PRKAR1B: variants seen among roughly 807,000 people sequenced by gnomAD.
PRKAR1B encodes cAMP-dependent protein kinase type I-beta regulatory subunit.
In PRKAR1B, 22 loss-of-function variants were observed where a neutral mutation model predicts 46.5. The observed-to-expected ratio is 0.47, with a 90% CI of 0.34 to 0.68. The LOEUF (loss-of-function observed/expected upper bound fraction) is 0.68. PRKAR1B is among the 30% of genes least tolerant of loss of function. PRKAR1B has a pLI of 0.01. For missense variants in PRKAR1B, 445 were observed against 535.6 expected (o/e 0.83, Z 1.67); for synonymous variants, 259 against 217.7 (o/e 1.19, Z -1.67).
At chr7:579,515 T>A (rs994960063) in intron 8 of PRKAR1B, 138 bp from the exon 9 acceptor site, 50 of 1,155,720 alleles carry the variant, frequency 4.3e-5, no homozygotes, top group Non-Finnish European at 5.5e-5. Context: ...GTAAGCTGCA[T>A]AAGATGAGGC....
intron 4 of PRKAR1B, among the ~76,000 whole-genome samples, chr7:631,961 A>G (rs1783772341): frequency 6.6e-6 from 1 of 151,606 alleles, no homozygotes; most frequent in African/African-American, 2.4e-5. Flanking sequence ...TGTCTCAAAA[A>G]AAAAAGCAGC....
intron 2 of PRKAR1B, among the ~76,000 whole-genome samples, chr7:684,123 CGT>C (rs762088100): frequency 3.3e-4 from 49 of 150,768 alleles, no homozygotes; most frequent in Non-Finnish European, 4.6e-4. Flanking sequence ...CCCACCTCTA[CGT>C]GTGTGCTGAT....
rs1781353710 is a variant in PRKAR1B at position 727,195 on chromosome 7, G to A, written c.-23+15C>T. 2.2e-6 allele frequency: 3 copies of A among 1,346,392 alleles called. No homozygotes were observed. The highest frequency in any genetic ancestry group is 1.7e-5 in the South Asian group (1 of 59,838). The allele number at this position is 1,346,392 out of a possible 1,614,324, so 83.4% of individuals were successfully genotyped here. A position where few individuals can be genotyped will look rare whatever the true frequency, so the allele number is the denominator to read the frequency against. On this transcript the variant is annotated intron_variant, in intron 1 of 10. Transcript: ENST00000537384. ...CCTGGCCGTGGACCTGTGCGGCGCCGCGCTCGCGCCCCACCTGGACGACGC... is the reference window on the plus strand; with the variant it reads ...CCTGGCCGTGGACCTGTGCGGCGCCACGCTCGCGCCCCACCTGGACGACGC...
intron 6 of PRKAR1B, among the ~76,000 whole-genome samples, chr7:597,564 C>A (rs539332285): frequency 3.9e-5 from 6 of 152,208 alleles, no homozygotes; most frequent in African/African-American, 1.4e-4. Context: ...CGTCCTTCCA[C>A]GGAGCCAGAG....
chr7:671,092 C>T (rs1016696331), intron 4 of PRKAR1B, among the ~76,000 whole-genome samples: 1 of 152,190 alleles, frequency 6.6e-6, no homozygotes, highest in Admixed American at 6.5e-5. Context: ...AGCGACCGTC[C>T]ACCTCCTTCT....
intron 4 of PRKAR1B, among the ~76,000 whole-genome samples, chr7:613,948 G>T (rs138685906): frequency 2.6e-5 from 4 of 152,216 alleles, no homozygotes; most frequent in Admixed American, 2.6e-4. Context: ...TCCCCGCAGG[G>T]GCAAGCAGGG....
At chr7:609,014 GGGCCGGGGGGCC>G (rs1782308977) in intron 4 of PRKAR1B, among the ~76,000 whole-genome samples, 2 of 129,928 alleles carry the variant, frequency 1.5e-5, no homozygotes, top group Non-Finnish European at 3.4e-5. Context: ...GCTGTAGGGA[GGGCCGGGGGGCC>G]TCCACTGTCC....
At chr7:677,437 C>T in intron 3 of PRKAR1B, 117 bp from the exon 4 acceptor site, 2 of 843,222 alleles carry the variant, frequency 2.4e-6, no homozygotes, top group Non-Finnish European at 2.0e-6. Flanking sequence ...TACAAATATG[C>T]AATTTGAAGT....
At chr7:638,761 T>TA (rs1338818358) in intron 4 of PRKAR1B, among the ~76,000 whole-genome samples, 1 of 152,186 alleles carries the variant, frequency 6.6e-6, no homozygotes, top group African/African-American at 2.4e-5. Flanking sequence ...CACACACTCT[T>TA]ACAACTGCTA....
intron 9 of PRKAR1B, among the ~76,000 whole-genome samples, chr7:578,222 G>C (rs1002956771): frequency 6.6e-6 from 1 of 152,070 alleles, no homozygotes; most frequent in African/African-American, 2.4e-5. Flanking sequence ...TCCCTCGCCG[G>C]CACCCGGAAT....
intron 8 of PRKAR1B, among the ~76,000 whole-genome samples, chr7:581,640 A>C (rs1780192731): frequency 6.6e-6 from 1 of 152,236 alleles, no homozygotes; most frequent in Non-Finnish European, 1.5e-5. Context: ...AGTTCTAAAA[A>C]CAAAAATTAT....
rs941403157 is a variant in PRKAR1B, at chr7:560,812, C to A, written c.892-9342G>T. On this transcript the variant is annotated intron_variant, in intron 9 of 10. Transcript: ENST00000537384. This position sits in a 1 kb window ranked among gnomAD's most constrained non-coding sequence, Gnocchi z 4.2. ...TCAAACGGGACAGTCATCATGAGGG[C>A]GGCGGCCATGAGTGAACGTAAGAGT... is the stretch of plus-strand genomic sequence containing the variant. 8.5e-5 allele frequency among the ~76,000 whole-genome samples: 13 copies of A among 152,194 alleles called. No individual in the cohort carries two copies. The highest frequency in any genetic ancestry group is 3.1e-4 in the African/African-American group (13 of 41,442).
At chr7:709,887 C>A (rs904172739) in intron 2 of PRKAR1B, among the ~76,000 whole-genome samples, 1 of 152,158 alleles carries the variant, frequency 6.6e-6, no homozygotes, top group Admixed American at 6.6e-5. Flanking sequence ...AAGTGATCTT[C>A]CCACCTCGAC....
Position 667,920 on chromosome 7 carries a change from C to T in PRKAR1B, c.440+9309G>A, listed in dbSNP as rs1786023223. On this transcript the variant is annotated intron_variant, in intron 4 of 10. Coordinates refer to ENST00000537384, the MANE Select transcript of PRKAR1B (RefSeq NM_001164760.2). The surrounding 1 kb of genome is among the most constrained non-coding windows in gnomAD (Gnocchi z 4.3). Reference sequence around the variant, plus strand: ...GGAGTTGCAGCCTCCCTCACAACCACGTTGCACTATCTTCCTTTAAATCAA... The same window carrying T: ...GGAGTTGCAGCCTCCCTCACAACCATGTTGCACTATCTTCCTTTAAATCAA... Among the ~76,000 whole-genome samples the T allele has an allele frequency of 6.6e-6, 1 of 152,222 alleles. No homozygotes were observed. Among genetic ancestry groups the T allele is most frequent in the South Asian group, 2.1e-4 (1 of 4,828 alleles).
At chr7:717,311 G>A (rs967146516) in intron 1 of PRKAR1B, among the ~76,000 whole-genome samples, 1 of 149,938 alleles carries the variant, frequency 6.7e-6, no homozygotes, top group Non-Finnish European at 1.5e-5. Flanking sequence ...GAAAGAAAGA[G>A]AGAGAGACAG....
intron 8 of PRKAR1B, among the ~76,000 whole-genome samples, chr7:584,003 G>C (rs550947644): frequency 6.6e-6 from 1 of 152,330 alleles, no homozygotes; most frequent in East Asian, 1.9e-4. Flanking sequence ...GGGCACACCT[G>C]AAACCCCAGC....
rs1290425068 is a variant in PRKAR1B at position 568,465 on chromosome 7, T to C, written c.891+10791A>G. Among the ~76,000 whole-genome samples the C allele has an allele frequency of 2.6e-5, 4 of 152,286 alleles. No homozygotes were observed. The East Asian group carries it at 7.7e-4, about 29-fold the overall frequency. On this transcript the variant is annotated intron_variant, in intron 9 of 10. Coordinates refer to ENST00000537384, the MANE Select transcript of PRKAR1B (RefSeq NM_001164760.2). ...GAGGACAACTTCCTCCCAGAGACCATTGTTCACCACCTGGAGCTGGCCCGC... is the reference window on the plus strand; with the variant it reads ...GAGGACAACTTCCTCCCAGAGACCACTGTTCACCACCTGGAGCTGGCCCGC...
chr7:596,095 G>A lies in PRKAR1B; in HGVS notation c.708+51C>T, dbSNP rs372522025. Reference sequence around the variant, plus strand: ...GAATAGAGCTAGGGTTCCCAGGGACGCCTGGCCAAGGGTGGGTGTTGGCCT... The same window carrying A: ...GAATAGAGCTAGGGTTCCCAGGGACACCTGGCCAAGGGTGGGTGTTGGCCT... On this transcript the variant is annotated intron_variant, in intron 7 of 10. Coordinates refer to ENST00000537384, the MANE Select transcript of PRKAR1B (RefSeq NM_001164760.2). 13 of 1,579,024 alleles carry A rather than the reference G, an allele frequency of 8.2e-6. No homozygotes were observed. In the East Asian group the frequency reaches 9.0e-5, roughly 11 times the overall value.
chr7:635,562 A>G (rs1038059259), intron 4 of PRKAR1B, among the ~76,000 whole-genome samples: 1 of 152,184 alleles, frequency 6.6e-6, no homozygotes, highest in Admixed American at 6.5e-5. Context: ...GCCTCTCCCC[A>G]GGGCACTGGA....
Sources: allele counts gnomAD v4.1 joint callset (sites outside exome capture counted in the v4.1 genomes callset), GRCh38; gene constraint gnomAD v4.1.1; non-coding constraint Gnocchi (gnomAD v3.1); transcripts MANE v1.5; gene names NCBI Gene and HGNC (gene_info 2026-07-23, HGNC 2026-07-21).